Variants in KSR2 observed in about 807,000 individuals in gnomAD.
The protein encoded by KSR2 is kinase suppressor of ras 2.
Under a neutral mutation model 107.8 loss-of-function variants are expected in KSR2, and 25 were observed. The observed-to-expected ratio is 0.23, with a 90% CI of 0.17 to 0.32. KSR2 has a LOEUF of 0.32. KSR2 is among the 10% of genes least tolerant of loss of function. KSR2 has a pLI of 1.00. For synonymous variants in KSR2, 480 were observed against 507.0 expected, an observed-to-expected ratio of 0.95 and a Z score of 0.71; for missense variants, 887 against 1,268.9, an observed-to-expected ratio of 0.70 and a Z score of 4.57.
In KSR2 at chr12:117,454,701, C is replaced by G. The variant is rs906375773; in HGVS notation, c.*12498G>C. 2.0e-5 allele frequency: 3 copies of G among 152,166 alleles called. No homozygotes were observed. Among genetic ancestry groups the G allele is most frequent in the African/African-American group, 7.2e-5 (3 of 41,422 alleles). The allele number at this position is 152,166 out of a possible 1,614,324, so 9.4% of individuals were successfully genotyped here. A position where few individuals can be genotyped will look rare whatever the true frequency, so the allele number is the denominator to read the frequency against. On this transcript the variant is annotated 3_prime_UTR_variant, in exon 20 of 20. Coordinates refer to ENST00000339824, the MANE Select transcript of KSR2 (RefSeq NM_173598.6). ...ATACATTTCCACGTTCACACATGTC[C>G]TTGACCTCAACACTTCAGGGGCCTA...
intron 5 of KSR2, among the ~76,000 whole-genome samples, chr12:117,612,304 T>G (rs1029781883): frequency 4.6e-5 from 7 of 151,294 alleles, no homozygotes; most frequent in Non-Finnish European, 1.0e-4. Context: ...CTCGGGAGGC[T>G]GAGGCAGGGG....
chr12:117,585,365 T>G (rs897798725), intron 5 of KSR2, among the ~76,000 whole-genome samples: 1 of 152,216 alleles, frequency 6.6e-6, no homozygotes, highest in Admixed American at 6.5e-5. Context: ...ATAGCCTAGT[T>G]ATTCAGTTAT....
At chr12:117,469,968 C>G (rs1428296388) in intron 18 of KSR2, among the ~76,000 whole-genome samples, 173 bp from the exon 19 acceptor site, 1 of 138,538 alleles carries the variant, frequency 7.2e-6, no homozygotes, top group African/African-American at 2.9e-5. Flanking sequence ...GTCTACACAT[C>G]TACCCATCCA....
At position 117,907,378 on chromosome 12, in the gene KSR2, CT is replaced by C. The variant is rs1894888298; in HGVS notation, c.181-46948del. On this transcript the variant is annotated intron_variant, in intron 1 of 19. Transcript: ENST00000339824. The surrounding 1 kb of genome is among the most constrained non-coding windows in gnomAD (Gnocchi z 4.3). ...AGCTCAAGGAAATGAGTCCTCCATC[CT>C]GTGAATCCAGGTGTGCTGGGTCTGC... 6.6e-6 allele frequency among the ~76,000 whole-genome samples: 1 copy of C among 152,110 alleles called. No homozygotes were observed. Among genetic ancestry groups the C allele is most frequent in the African/African-American group, 2.4e-5 (1 of 41,426 alleles).
chr12:117,616,370 T>C (rs1246799367), intron 5 of KSR2, among the ~76,000 whole-genome samples: 1 of 152,176 alleles, frequency 6.6e-6, no homozygotes, highest in East Asian at 1.9e-4. Flanking sequence ...ATTTGAGAGT[T>C]TAAGTTATTT....
intron 4 of KSR2, among the ~76,000 whole-genome samples, chr12:117,670,205 C>G (rs1884845336): frequency 6.6e-6 from 1 of 152,166 alleles, no homozygotes; most frequent in Admixed American, 6.5e-5. Context: ...AATTTTTCAA[C>G]TTTATCAAAC....
chr12:117,934,551 G>A (rs540709194), intron 1 of KSR2, among the ~76,000 whole-genome samples: 8 of 152,276 alleles, frequency 5.3e-5, no homozygotes, highest in East Asian at 3.9e-4. Context: ...ATCTAGCCAC[G>A]CTGAAGCCAG....
intron 3 of KSR2, among the ~76,000 whole-genome samples, chr12:117,776,009 G>A (rs76208765): frequency 0.032 from 4,928 of 151,936 alleles, 119 homozygotes; most frequent in African/African-American, 0.063. Flanking sequence ...GGTGATGAGC[G>A]CACAAAATCT....
chr12:117,643,050 A>C (rs1296392863), intron 5 of KSR2, among the ~76,000 whole-genome samples: 4 of 152,246 alleles, frequency 2.6e-5, no homozygotes, highest in Admixed American at 2.6e-4. Flanking sequence ...GCCAATCTAG[A>C]GAAATGGTTT....
chr12:117,552,112 G>C (rs1877352896), intron 9 of KSR2, among the ~76,000 whole-genome samples: 1 of 152,192 alleles, frequency 6.6e-6, no homozygotes, highest in African/African-American at 2.4e-5. Context: ...CTCTCCTAGA[G>C]ACCTATATCT....
In KSR2 at chr12:117,761,099, G is replaced by T. The variant is rs781716641; in HGVS notation, c.898C>A (p.His300Asn). 1 of 1,613,712 alleles carries T rather than the reference G, an allele frequency of 6.2e-7. No homozygotes were observed. Among genetic ancestry groups the T allele is most frequent in the Non-Finnish European group, 8.5e-7 (1 of 1,179,716 alleles). Residue 300 changes from histidine to asparagine, a missense_variant, in exon 4 of 20, where the codon CAC becomes AAC. Physicochemically the swap from His to Asn is moderately conservative, Grantham distance 68. Around this residue, in one of 8 missense-constraint regions of KSR2, gnomAD observed 399 missense variants for 479.5 expected, o/e 0.83. Coordinates refer to ENST00000339824, the MANE Select transcript of KSR2 (RefSeq NM_173598.6). ...TPPPSSRKLIHLIPGFTALHR... is the reference protein window; with the variant it reads ...TPPPSSRKLINLIPGFTALHR... ...AGCGCGGTGAATCCCGGGATCAAGTGTATCAGTTTTCGGGAGGAGGGCGGT... is the reference window on the plus strand; with the variant it reads ...AGCGCGGTGAATCCCGGGATCAAGTTTATCAGTTTTCGGGAGGAGGGCGGT...
chr12:117,612,079 G>A (rs1173151474), intron 5 of KSR2, among the ~76,000 whole-genome samples: 3 of 152,154 alleles, frequency 2.0e-5, no homozygotes, highest in African/African-American at 7.2e-5. Flanking sequence ...TGTACTTGAT[G>A]CCATAGACCT....
At chr12:117,520,491 T>A (rs1256705166) in intron 14 of KSR2, among the ~76,000 whole-genome samples, 3 of 152,186 alleles carry the variant, frequency 2.0e-5, no homozygotes, top group African/African-American at 7.2e-5. Context: ...AATATGGTGA[T>A]CTTCATAACA....
At chr12:117,710,252 G>A (rs968680519) in intron 4 of KSR2, among the ~76,000 whole-genome samples, 3 of 152,060 alleles carry the variant, frequency 2.0e-5, no homozygotes, top group Non-Finnish European at 2.9e-5. Flanking sequence ...TGACCAACGG[G>A]AAAATTGGCA....
intron 1 of KSR2, chr12:117,889,813 G>C (rs1197985621): frequency 1.3e-5 from 2 of 152,188 alleles, no homozygotes; most frequent in Non-Finnish European, 2.9e-5. Context: ...GGAAGATGGG[G>C]AGCTGTTACT....
chr12:117,586,675 G>A (rs1241476629), intron 5 of KSR2, among the ~76,000 whole-genome samples: 1 of 113,830 alleles, frequency 8.8e-6, no homozygotes, highest in East Asian at 2.2e-4. Context: ...TAGTAAATCT[G>A]CTGTCTGCTG....
At chr12:117,644,546 G>C (rs1361064995) in intron 5 of KSR2, among the ~76,000 whole-genome samples, 1 of 152,182 alleles carries the variant, frequency 6.6e-6, no homozygotes, top group East Asian at 1.9e-4. Flanking sequence ...CATTGGACCA[G>C]AGTGCAGCCT....
rs747557790 is a variant in KSR2 at position 117,530,959 on chromosome 12, G to C, written c.1784C>G (p.Pro595Arg). 1 of 1,613,576 alleles carries C rather than the reference G, an allele frequency of 6.2e-7. No individual in the cohort carries two copies. Among genetic ancestry groups the C allele is most frequent in the East Asian group, 2.2e-5 (1 of 44,864 alleles). The change falls in exon 12 of 20, where the codon CCG becomes CGG. Residue 595 changes from proline to arginine, a missense_variant. Pro to Arg is a moderately radical substitution (Grantham distance 103). Coordinates refer to ENST00000339824, the MANE Select transcript of KSR2 (RefSeq NM_173598.6). ...PTRAPQVILH[P>R]VTSNPILEGN... The stretch of plus-strand genomic sequence containing the variant: ...CACTTACATTGGATTCGAGGTCACC[G>C]GATGCAGGATGACCTGGGGCGCCCG...
chr12:117,512,816 C>A (rs1189853959), intron 14 of KSR2, among the ~76,000 whole-genome samples: 1 of 152,150 alleles, frequency 6.6e-6, no homozygotes, highest in Non-Finnish European at 1.5e-5. Flanking sequence ...CTGGTCCCAA[C>A]CTGACATCAT....
Sources: gnomAD v4.1 joint callset for allele counts (sites outside exome capture counted in the v4.1 genomes callset) on GRCh38, gnomAD v4.1.1 for gene constraint, gnomAD v4.1.1 regional missense constraint, Gnocchi (gnomAD v3.1) non-coding constraint, MANE v1.5 for transcripts, NCBI Gene and HGNC (gene_info 2026-07-23, HGNC 2026-07-21) for gene names.